ARNT2: variants seen among roughly 807,000 people sequenced by gnomAD.
The protein encoded by ARNT2 is aryl hydrocarbon receptor nuclear translocator 2, also known as ARNT protein 2.
A neutral mutation model predicts 91.7 loss-of-function variants in ARNT2; 36 were observed. That is an observed-to-expected ratio of 0.39 (90% CI 0.30 to 0.52). ARNT2 has a LOEUF of 0.52. Among genes scored for constraint, ARNT2 ranks in the 20% least tolerant of loss-of-function variants. The pLI is 0.72. For missense variants in ARNT2, 775 were observed against 939.3 expected (o/e 0.83, Z 2.29); for synonymous variants, 365 against 347.1 (o/e 1.05, Z -0.57).
intron 6 of ARNT2, 113 bp downstream of exon 6, chr15:80,508,371 TC>T: frequency 1.1e-6 from 1 of 944,260 alleles, no homozygotes. Context: ...GTGGGTTCAC[TC>T]CAGGGACTTC....
rs1896944190 is a variant in ARNT2, at chr15:80,484,855, G to A, written c.622+9632G>A. On this transcript the variant is annotated intron_variant, in intron 5 of 18. Coordinates refer to ENST00000303329, the MANE Select transcript of ARNT2 (RefSeq NM_014862.4). ...GGGTGTAGGGAGGCAGCGGGGGAGTGGAAGAATCCCTGTACTTGGAGTCAG... is the reference window on the plus strand; with the variant it reads ...GGGTGTAGGGAGGCAGCGGGGGAGTAGAAGAATCCCTGTACTTGGAGTCAG... Among the ~76,000 whole-genome samples, 4 of 152,172 alleles carry A rather than the reference G, an allele frequency of 2.6e-5. No homozygotes were observed. The South Asian group carries it at 8.3e-4, about 31-fold the overall frequency.
In ARNT2 at chr15:80,404,547, G is replaced by A; in HGVS notation, c.31+1G>A. 8.4e-7 allele frequency: 1 copy of A among 1,183,570 alleles called. No homozygotes were observed. The highest frequency in any genetic ancestry group is 3.2e-5 in the Admixed American group (1 of 30,886). The allele number at this position is 1,183,570 out of a possible 1,614,324, so 73.3% of individuals were successfully genotyped here. A position where few individuals can be genotyped will look rare whatever the true frequency, so the allele number is the denominator to read the frequency against. ...ACCCCGGCGGCGGTCAACCCTCCGGGTGAGTAGCGGCCTGGGCCCCGCCGC... is the reference window on the plus strand; with the variant it reads ...ACCCCGGCGGCGGTCAACCCTCCGGATGAGTAGCGGCCTGGGCCCCGCCGC... On this transcript the variant is annotated splice_donor_variant, in intron 1 of 18. Transcript: ENST00000303329. LOFTEE classifies it high-confidence loss of function. This position sits in a 1 kb window ranked among gnomAD's most constrained non-coding sequence, Gnocchi z 5.5.
rs1201807313 is a variant in ARNT2 at position 80,522,190 on chromosome 15, T to C, written c.877+7785T>C. Among the ~76,000 whole-genome samples, 3 of 152,216 alleles carry C rather than the reference T, an allele frequency of 2.0e-5. No individual in the cohort carries two copies. In the East Asian group the frequency reaches 5.8e-4, roughly 29 times the overall value. ...GCTTACTATGGGTCAGATGTAATTA[T>C]AAATGTTTTAGCTACATTAACTCAT... On this transcript the variant is annotated intron_variant, in intron 8 of 18. Transcript: ENST00000303329.
At chr15:80,547,674 G>A (rs1275851541) in intron 8 of ARNT2, among the ~76,000 whole-genome samples, 1 of 152,120 alleles carries the variant, frequency 6.6e-6, no homozygotes, top group Non-Finnish European at 1.5e-5. Flanking sequence ...TGTTGTCAGT[G>A]GTAAAATTCA....
chr15:80,433,309 C>T (rs760617001), intron 1 of ARNT2, among the ~76,000 whole-genome samples: 21 of 71,724 alleles, frequency 2.9e-4, no homozygotes, highest in African/African-American at 7.9e-4. Flanking sequence ...TTTTTGAGAC[C>T]GAGTCTTGCT....
chr15:80,501,749 G>A (rs1897197884), intron 5 of ARNT2, among the ~76,000 whole-genome samples: 1 of 152,130 alleles, frequency 6.6e-6, no homozygotes, highest in Non-Finnish European at 1.5e-5. Flanking sequence ...TTAGTGTGTA[G>A]GTCTTGAAAT....
intron 1 of ARNT2, among the ~76,000 whole-genome samples, chr15:80,444,105 C>T (rs1045048814): frequency 1.2e-4 from 18 of 152,182 alleles, no homozygotes; most frequent in African/African-American, 1.7e-4. Flanking sequence ...CTGTTCTTCA[C>T]GCCCATTTCA....
Position 80,426,666 on chromosome 15 carries a change from CT to C in ARNT2, c.31+22122del, listed in dbSNP as rs551641597. 1.9e-3 allele frequency among the ~76,000 whole-genome samples: 290 copies of C among 152,336 alleles called. 1 individual carries two copies. Among genetic ancestry groups the C allele is most frequent in the Non-Finnish European group, 3.5e-3 (241 of 68,022 alleles). ...ACTGCTGTTGACCTGGTTAAATTAT[CT>C]TGTTTAGAGCAACCCATTTCATGAA... On this transcript the variant is annotated intron_variant, in intron 1 of 18. Coordinates refer to ENST00000303329, the MANE Select transcript of ARNT2 (RefSeq NM_014862.4).
rs563663424 is a variant in ARNT2 at position 80,464,846 on chromosome 15, G to T, written c.195-5372G>T. ...TCCTTCCCGAGTGTCACCGAGGTGG[G>T]GCAGAGCCAGTCTGTGCCTAATACT... On this transcript the variant is annotated intron_variant, in intron 3 of 18. Coordinates refer to ENST00000303329, the MANE Select transcript of ARNT2 (RefSeq NM_014862.4). 3.9e-5 allele frequency among the ~76,000 whole-genome samples: 6 copies of T among 152,272 alleles called. No homozygotes were observed. In the East Asian group the frequency reaches 1.2e-3, roughly 29 times the overall value.
intron 11 of ARNT2, among the ~76,000 whole-genome samples, chr15:80,560,736 C>T (rs1008702287): frequency 2.0e-5 from 3 of 152,216 alleles, no homozygotes; most frequent in Admixed American, 1.3e-4. Flanking sequence ...TGGTTGCTGA[C>T]CTGAGAGGCA....
intron 8 of ARNT2, among the ~76,000 whole-genome samples, chr15:80,535,857 C>T (rs749998422): frequency 2.6e-5 from 4 of 152,056 alleles, no homozygotes; most frequent in Admixed American, 6.6e-5. Flanking sequence ...TTTCCAAGTA[C>T]GTGAAGCTTT....
chr15:80,512,442 A>G (rs559563036), intron 6 of ARNT2, among the ~76,000 whole-genome samples: 2 of 152,358 alleles, frequency 1.3e-5, no homozygotes, highest in African/African-American at 4.8e-5. Flanking sequence ...AATGACAGAA[A>G]GCACGCATGT....
At chr15:80,560,284 T>C (rs1898310308) in intron 11 of ARNT2, 1 of 152,370 alleles carries the variant, frequency 6.6e-6, no homozygotes, top group African/African-American at 2.4e-5. Flanking sequence ...TAGGGATTTA[T>C]GCAAAGGGCT....
intron 13 of ARNT2, 126 bp from the exon 14 acceptor site, chr15:80,574,861 C>T (rs575345164): frequency 1.6e-6 from 2 of 1,235,386 alleles, no homozygotes; most frequent in African/African-American, 1.6e-5. Flanking sequence ...TAAAATGTTC[C>T]AGCCCAAAAT....
chr15:80,459,579 G>A (rs930560767), intron 3 of ARNT2, among the ~76,000 whole-genome samples: 1 of 152,178 alleles, frequency 6.6e-6, no homozygotes, highest in African/African-American at 2.4e-5. Flanking sequence ...GAGAGATGAG[G>A]AGTGACGTTT....
chr15:80,513,504 T>G (rs936701065), intron 6 of ARNT2, among the ~76,000 whole-genome samples: 1 of 152,180 alleles, frequency 6.6e-6, no homozygotes, highest in African/African-American at 2.4e-5. Context: ...CTGTTTTAAG[T>G]TGATGTCACT....
At position 80,426,684 on chromosome 15, in the gene ARNT2, T is replaced by G. The variant is rs2141565672; in HGVS notation, c.31+22138T>G. On this transcript the variant is annotated intron_variant, in intron 1 of 18. Coordinates refer to ENST00000303329, the MANE Select transcript of ARNT2 (RefSeq NM_014862.4). ...AAATTATCTTGTTTAGAGCAACCCA[T>G]TTCATGAATTAAAAATATCCTTCTG... Among the ~76,000 whole-genome samples the G allele has an allele frequency of 2.0e-5, 3 of 152,332 alleles. 1 individual carries two copies. In the South Asian group the frequency reaches 6.2e-4, roughly 32 times the overall value.
chr15:80,499,414 G>T (rs1219176122), intron 5 of ARNT2, among the ~76,000 whole-genome samples: 1 of 152,210 alleles, frequency 6.6e-6, no homozygotes, highest in Non-Finnish European at 1.5e-5. Context: ...TTCTGTCAAA[G>T]GCCACAGAAC....
intron 8 of ARNT2, among the ~76,000 whole-genome samples, chr15:80,519,683 G>C (rs1298000043): frequency 1.4e-5 from 2 of 141,262 alleles, no homozygotes; most frequent in East Asian, 4.0e-4. Flanking sequence ...GAGGTATGTA[G>C]CTTTTTTTTT....
Sources: allele counts gnomAD v4.1 joint callset (sites outside exome capture counted in the v4.1 genomes callset), GRCh38; gene constraint gnomAD v4.1.1; non-coding constraint Gnocchi (gnomAD v3.1); transcripts MANE v1.5; gene names NCBI Gene and HGNC (gene_info 2026-07-23, HGNC 2026-07-21).